Variants in MACROD2 observed in about 807,000 individuals in gnomAD.
MACROD2 encodes ADP-ribose glycohydrolase MACROD2.
Under a neutral mutation model 70.4 loss-of-function variants are expected in MACROD2, and 36 were observed. That is an observed-to-expected ratio of 0.51 (90% CI 0.39 to 0.68). The LOEUF (loss-of-function observed/expected upper bound fraction) is 0.68, where lower values mean the gene tolerates loss of function less well. Ranked by LOEUF, MACROD2 falls within the 30% of genes least tolerant of loss-of-function variation. MACROD2 has a pLI of 0.00. For missense variants in MACROD2, 496 were observed against 538.4 expected (o/e 0.92, Z 0.78); for synonymous variants, 172 against 178.8 (o/e 0.96, Z 0.30).
At chr20:15,343,187 T>G (rs2078128677) in intron 6 of MACROD2, among the ~76,000 whole-genome samples, 1 of 152,164 alleles carries the variant, frequency 6.6e-6, no homozygotes, top group African/African-American at 2.4e-5. Flanking sequence ...GCCATGAATC[T>G]GAAAGTACAT....
intron 5 of MACROD2, among the ~76,000 whole-genome samples, chr20:14,782,214 G>C (rs991221542): frequency 6.6e-6 from 1 of 151,860 alleles, no homozygotes; most frequent in Non-Finnish European, 1.5e-5. Context: ...ATGAGCTACC[G>C]TACCCAGCCT....
chr20:15,237,297 C>G (rs2077022086), intron 6 of MACROD2, among the ~76,000 whole-genome samples: 2 of 152,150 alleles, frequency 1.3e-5, no homozygotes, highest in Non-Finnish European at 2.9e-5. Context: ...CTACAGATGG[C>G]CATGCCCAAG....
chr20:14,498,763 G>A (rs981805211), intron 4 of MACROD2, among the ~76,000 whole-genome samples: 2 of 152,130 alleles, frequency 1.3e-5, no homozygotes, highest in Non-Finnish European at 1.5e-5. Context: ...TGTTTAAGAG[G>A]GAATGATTTC....
intron 8 of MACROD2, among the ~76,000 whole-genome samples, chr20:15,819,584 G>A (rs1442868243): frequency 6.7e-6 from 1 of 150,322 alleles, no homozygotes; most frequent in East Asian, 1.9e-4. Flanking sequence ...ATATTATTTA[G>A]CCTTAAAATG....
intron 8 of MACROD2, among the ~76,000 whole-genome samples, chr20:15,626,634 C>T (rs2049206586): frequency 6.6e-6 from 1 of 152,166 alleles, no homozygotes. Flanking sequence ...GTGGGCAGAT[C>T]ACTTGAGGTC....
intron 8 of MACROD2, among the ~76,000 whole-genome samples, chr20:15,744,632 A>C (rs2146969697): frequency 6.6e-6 from 1 of 152,074 alleles, no homozygotes. Flanking sequence ...AAACTGAAGA[A>C]ATGAGGATAC....
At position 15,047,889 on chromosome 20, in the gene MACROD2, C is replaced by T. The variant is rs562005274; in HGVS notation, c.419-182051C>T. 3.3e-5 allele frequency among the ~76,000 whole-genome samples: 5 copies of T among 152,268 alleles called. No individual in the cohort carries two copies. In the South Asian group the frequency reaches 1.0e-3, roughly 32 times the overall value. ...ATCTTCACAGTGGCTATTCTGTCAG[C>T]CTGGGACCCACAGTGAAGACATTAT... On this transcript the variant is annotated intron_variant, in intron 5 of 17. Transcript: ENST00000684519.
intron 3 of MACROD2, among the ~76,000 whole-genome samples, chr20:14,244,100 GC>G (rs554848029): frequency 9.3e-4 from 141 of 152,292 alleles, no homozygotes; most frequent in African/African-American, 3.3e-3. Context: ...CATTTTAGGT[GC>G]CAGCTCATTT....
Position 15,898,168 on chromosome 20 carries a change from G to A in MACROD2, c.775+12357G>A, listed in dbSNP as rs537425675. Among the ~76,000 whole-genome samples, 11 of 152,052 alleles carry A rather than the reference G, an allele frequency of 7.2e-5. No homozygotes were observed. In the East Asian group the frequency reaches 2.1e-3, roughly 29 times the overall value. ...TAGGCAAATCTCCCACTATATTTAT[G>A]ACCCTAGCATGGGCCCCTCCATGCC... On this transcript the variant is annotated intron_variant, in intron 10 of 17. Transcript: ENST00000684519.
At position 14,759,757 on chromosome 20, in the gene MACROD2, A is replaced by G. The variant is rs556626727; in HGVS notation, c.418+74798A>G. Among the ~76,000 whole-genome samples, 205 of 152,262 alleles carry G rather than the reference A, an allele frequency of 1.3e-3. 1 individual carries two copies. Among genetic ancestry groups the G allele is most frequent in the Non-Finnish European group, 2.5e-3 (172 of 68,024 alleles). ...GACGTAGATACGCAGGTTCTTGTAGATGCTGGAGAGAAATTCTGGGTATCT... is the reference window on the plus strand; with the variant it reads ...GACGTAGATACGCAGGTTCTTGTAGGTGCTGGAGAGAAATTCTGGGTATCT... On this transcript the variant is annotated intron_variant, in intron 5 of 17. Transcript: ENST00000684519.
chr20:14,218,279 T>C, intron 3 of MACROD2, among the ~76,000 whole-genome samples: 1 of 152,252 alleles, frequency 6.6e-6, no homozygotes, highest in Non-Finnish European at 1.5e-5. Flanking sequence ...CCTCTTTGTC[T>C]CTTTTAACTA....
intron 3 of MACROD2, among the ~76,000 whole-genome samples, chr20:14,492,727 A>G (rs936113245): frequency 6.6e-6 from 1 of 152,146 alleles, no homozygotes; most frequent in Non-Finnish European, 1.5e-5. Flanking sequence ...CTATGGAATA[A>G]AGCTCAGTAT....
intron 4 of MACROD2, among the ~76,000 whole-genome samples, chr20:14,609,624 G>T (rs376105607): frequency 8.9e-4 from 135 of 152,172 alleles, no homozygotes; most frequent in African/African-American, 3.1e-3. Flanking sequence ...TACCAAATAG[G>T]AGTATCATTC....
At chr20:14,289,070 T>C (rs2122438306) in intron 3 of MACROD2, among the ~76,000 whole-genome samples, 1 of 152,258 alleles carries the variant, frequency 6.6e-6, no homozygotes, top group African/African-American at 2.4e-5. Context: ...AGAAATAGCA[T>C]GTAAGGGAGG....
chr20:14,619,444 A>AAG (rs1568702396), intron 4 of MACROD2, among the ~76,000 whole-genome samples: 4 of 4,328 alleles, frequency 9.2e-4, no homozygotes, highest in African/African-American at 1.9e-3. Context: ...GGAGGGAGGG[A>AAG]GGAAGGGAAG....
At chr20:15,678,718 G>A (rs910215493) in intron 8 of MACROD2, among the ~76,000 whole-genome samples, 1 of 152,190 alleles carries the variant, frequency 6.6e-6, no homozygotes, top group African/African-American at 2.4e-5. Flanking sequence ...GATTATCAGG[G>A]CATCCTTTAT....
intron 4 of MACROD2, among the ~76,000 whole-genome samples, chr20:14,596,416 T>C (rs1600433686): frequency 1.8e-5 from 2 of 111,120 alleles, no homozygotes; most frequent in African/African-American, 8.3e-5. Context: ...TTTAAACATA[T>C]ATATATATAT....
intron 6 of MACROD2, among the ~76,000 whole-genome samples, chr20:15,382,460 A>G (rs2045657263): frequency 6.6e-6 from 1 of 152,198 alleles, no homozygotes; most frequent in Admixed American, 6.5e-5. Context: ...TTAAAATTGA[A>G]AAATTTAAGA....
At chr20:14,017,529 G>T (rs1283606125) in intron 2 of MACROD2, among the ~76,000 whole-genome samples, 2 of 152,144 alleles carry the variant, frequency 1.3e-5, no homozygotes, top group Admixed American at 1.3e-4. Context: ...TCATGGGAGG[G>T]TGTTGAATTT....
Sources: gnomAD v4.1 joint callset for allele counts (sites outside exome capture counted in the v4.1 genomes callset) on GRCh38, gnomAD v4.1.1 for gene constraint, MANE v1.5 for transcripts, NCBI Gene and HGNC (gene_info 2026-07-23, HGNC 2026-07-21) for gene names.